C12orf42: variants seen among roughly 807,000 people sequenced by gnomAD.
The protein encoded by C12orf42 is uncharacterized protein C12orf42.
Under a neutral mutation model 21.6 loss-of-function variants are expected in C12orf42, and 25 were observed. The ratio of observed to expected loss-of-function variants is 1.16; its 90% CI spans 0.84 to 1.62. The LOEUF is 1.62. Among genes scored for constraint, C12orf42 ranks in the 40% most tolerant of loss-of-function variants. The pLI, the probability that C12orf42 is intolerant of heterozygous loss-of-function variation, is 0.00. For missense variants in C12orf42, 483 were observed against 459.3 expected (o/e 1.05, Z -0.47); for synonymous variants, 174 against 175.0 (o/e 0.99, Z 0.05).
chr12:103,523,359 T>C, the C12orf42 span, among the ~76,000 whole-genome samples: 1 of 152,088 alleles, frequency 6.6e-6, no homozygotes, highest in South Asian at 2.1e-4. Context: ...GTTACTGATT[T>C]TTTATAGCTT....
chr12:103,198,394 C>T, the C12orf42 span, among the ~76,000 whole-genome samples: 2 of 152,148 alleles, frequency 1.3e-5, no homozygotes. Flanking sequence ...GAGAGGCCGG[C>T]AGACAGATTG....
At chr12:103,398,651 AG>A (rs1442820743) in intron 3 of C12orf42, among the ~76,000 whole-genome samples, 1 of 152,088 alleles carries the variant, frequency 6.6e-6, no homozygotes, top group African/African-American at 2.4e-5. Context: ...ACCTGCCCAA[AG>A]TTTACTTTTC....
chr12:103,303,800 T>C (rs1001013339), intron 5 of C12orf42, among the ~76,000 whole-genome samples: 3 of 152,208 alleles, frequency 2.0e-5, no homozygotes, highest in African/African-American at 7.2e-5. Context: ...CAGAATGGCA[T>C]TTTAATATCT....
intron 3 of C12orf42, among the ~76,000 whole-genome samples, chr12:103,388,935 C>T (rs1265065538): frequency 1.3e-5 from 2 of 152,216 alleles, no homozygotes; most frequent in African/African-American, 2.4e-5. Context: ...AGACTGGTGG[C>T]CCAGGCTCCA....
At chr12:103,501,461 G>T in the C12orf42 span, among the ~76,000 whole-genome samples, 11 of 152,192 alleles carry the variant, frequency 7.2e-5, no homozygotes, top group Non-Finnish European at 8.8e-5. Context: ...TGGATTTAAA[G>T]CTCTCATGAT....
the C12orf42 span, among the ~76,000 whole-genome samples, chr12:103,103,543 T>A: frequency 6.6e-6 from 1 of 152,242 alleles, no homozygotes; most frequent in Admixed American, 6.5e-5. Context: ...AATGTACCAC[T>A]ATCTGTTAGA....
At chr12:103,217,638 C>G in the C12orf42 span, among the ~76,000 whole-genome samples, 1 of 152,150 alleles carries the variant, frequency 6.6e-6, no homozygotes, top group African/African-American at 2.4e-5. Flanking sequence ...TCTCCCCATG[C>G]TGTGCCGGCT....
intron 4 of C12orf42, among the ~76,000 whole-genome samples, chr12:103,350,066 C>A (rs1043926426): frequency 1.3e-5 from 2 of 152,020 alleles, no homozygotes; most frequent in South Asian, 4.2e-4. Flanking sequence ...AAGATAATGA[C>A]CAAATTTAGG....
chr12:103,515,850 A>T, the C12orf42 span, among the ~76,000 whole-genome samples: 1 of 152,236 alleles, frequency 6.6e-6, no homozygotes, highest in South Asian at 2.1e-4. Context: ...AGGGCTATTA[A>T]TGTCCATTTT....
At chr12:103,433,585 T>C (rs1002478429) in intron 2 of C12orf42, among the ~76,000 whole-genome samples, 2 of 152,116 alleles carry the variant, frequency 1.3e-5, no homozygotes, top group African/African-American at 4.8e-5. Context: ...GAAGAACAAG[T>C]TAAAGACACA....
At chr12:103,173,880 G>C in the C12orf42 span, among the ~76,000 whole-genome samples, 1 of 152,068 alleles carries the variant, frequency 6.6e-6, no homozygotes, top group Non-Finnish European at 1.5e-5. Flanking sequence ...TCTCACTGTA[G>C]GTATTCACAG....
At chr12:103,512,465 T>C in the C12orf42 span, among the ~76,000 whole-genome samples, 4 of 152,140 alleles carry the variant, frequency 2.6e-5, no homozygotes, top group African/African-American at 4.8e-5. Flanking sequence ...GAAGAGAGGA[T>C]TGAAATGTTT....
the C12orf42 span, among the ~76,000 whole-genome samples, chr12:103,058,194 A>G: frequency 6.6e-6 from 1 of 151,982 alleles, no homozygotes; most frequent in African/African-American, 2.4e-5. Flanking sequence ...TGACCTCGTG[A>G]TCCACCCGCC....
intron 4 of C12orf42, among the ~76,000 whole-genome samples, chr12:103,285,211 AAAG>A (rs1402636515): frequency 6.6e-6 from 1 of 152,250 alleles, no homozygotes; most frequent in Middle Eastern, 3.2e-3. Flanking sequence ...ACAGGCAATT[AAAG>A]AAGAATCCCA....
chr12:103,072,721 A>T, the C12orf42 span, among the ~76,000 whole-genome samples: 37 of 152,276 alleles, frequency 2.4e-4, no homozygotes, highest in Non-Finnish European at 5.0e-4. Context: ...TTACGCTTCC[A>T]CCAACAGTGT....
the C12orf42 span, among the ~76,000 whole-genome samples, chr12:103,049,384 C>A: frequency 6.6e-6 from 1 of 152,150 alleles, no homozygotes; most frequent in Non-Finnish European, 1.5e-5. Flanking sequence ...GTCTTCAAAA[C>A]GCATCTGAAT....
At chr12:103,269,983 G>T (rs1007650935) in intron 5 of C12orf42, 6 of 152,144 alleles carry the variant, frequency 3.9e-5, no homozygotes, top group African/African-American at 1.4e-4. Context: ...GGATGAACAT[G>T]TGTATGGTAA....
At chr12:103,559,549 A>G in the C12orf42 span, 29 of 152,330 alleles carry the variant, frequency 1.9e-4, no homozygotes, top group East Asian at 3.5e-3. Context: ...ACACAGCACC[A>G]AAGAGAGTGT....
At chr12:103,135,794 G>A in the C12orf42 span, among the ~76,000 whole-genome samples, 118 of 152,304 alleles carry the variant, frequency 7.7e-4, 3 homozygotes, top group South Asian at 0.024. Context: ...TCAATAGCAT[G>A]AGAGACAAAG....
Sources: allele counts gnomAD v4.1 joint callset (sites outside exome capture counted in the v4.1 genomes callset), GRCh38; gene constraint gnomAD v4.1.1; transcripts MANE v1.5; gene names NCBI Gene and HGNC (gene_info 2026-07-23, HGNC 2026-07-21).